ATP13A5: variants seen among roughly 807,000 people sequenced by gnomAD.
The protein encoded by ATP13A5 is probable cation-transporting ATPase 13A5.
ATP13A5 carries 149 observed loss-of-function variants against 150.2 expected under a neutral mutation model. The observed-to-expected ratio is 0.99, with a 90% confidence interval of 0.87 to 1.14. The LOEUF (loss-of-function observed/expected upper bound fraction) is 1.14. ATP13A5 is among the 50% of genes most tolerant of loss of function. The pLI is 0.00. For synonymous variants in ATP13A5, 497 were observed against 522.2 expected (o/e 0.95, Z 0.66); for missense variants, 1,383 against 1,449.3 (o/e 0.95, Z 0.74).
chr3:193,325,096 C>T, intron 13 of ATP13A5, 82 bp from the exon 14 acceptor site: 1 of 1,395,260 alleles, frequency 7.2e-7, no homozygotes, highest in Non-Finnish European at 9.8e-7. Flanking sequence ...AGTGGAGCTC[C>T]AAACACCTAA....
chr3:193,326,887 T>C (rs1719485403), intron 13 of ATP13A5, 109 bp downstream of exon 13: 2 of 911,814 alleles, frequency 2.2e-6, no homozygotes, highest in Admixed American at 2.0e-5. Context: ...CAGCCAACTA[T>C]TGTATATATT....
intron 1 of ATP13A5, among the ~76,000 whole-genome samples, chr3:193,371,083 A>C (rs536694877): frequency 6.6e-6 from 1 of 152,302 alleles, no homozygotes; most frequent in African/African-American, 2.4e-5. Flanking sequence ...AGAGAGCTGT[A>C]AGTGTGGGTC....
At chr3:193,344,911 A>G in intron 8 of ATP13A5, 92 bp downstream of exon 8, 1 of 1,277,028 alleles carries the variant, frequency 7.8e-7, no homozygotes, top group Non-Finnish European at 1.1e-6. Context: ...ATCTGAAAAG[A>G]TTATTTCTCC....
intron 9 of ATP13A5, among the ~76,000 whole-genome samples, chr3:193,338,019 T>G (rs1015023758): frequency 2.0e-5 from 3 of 152,242 alleles, no homozygotes; most frequent in African/African-American, 7.2e-5. Context: ...TCACTCATAA[T>G]TTGGCTCTCT....
intron 10 of ATP13A5, among the ~76,000 whole-genome samples, chr3:193,334,277 T>C (rs1390978726): frequency 6.6e-6 from 1 of 152,162 alleles, no homozygotes; most frequent in Non-Finnish European, 1.5e-5. Flanking sequence ...GGTCAGAGGT[T>C]AGAACAGAGA....
chr3:193,351,707 C>T (rs1712569276), intron 6 of ATP13A5, among the ~76,000 whole-genome samples: 1 of 152,166 alleles, frequency 6.6e-6, no homozygotes, highest in African/African-American at 2.4e-5. Context: ...CAGGTCCTAG[C>T]AAGGTCACAT....
At chr3:193,367,682 G>A (rs1322981841) in intron 1 of ATP13A5, among the ~76,000 whole-genome samples, 1 of 152,110 alleles carries the variant, frequency 6.6e-6, no homozygotes, top group African/African-American at 2.4e-5. Flanking sequence ...ATCAGTCAAT[G>A]TACTTTGCCA....
chr3:193,355,354 A>T (rs1242638604), intron 5 of ATP13A5, among the ~76,000 whole-genome samples: 1 of 152,184 alleles, frequency 6.6e-6, no homozygotes, highest in Non-Finnish European at 1.5e-5. Context: ...CACTTATTGT[A>T]ATAGAAACTC....
chr3:193,358,880 G>A (rs950677421), intron 5 of ATP13A5, among the ~76,000 whole-genome samples: 1 of 152,108 alleles, frequency 6.6e-6, no homozygotes, highest in East Asian at 1.9e-4. Flanking sequence ...GATCCTGCCA[G>A]GGAGATTCTG....
intron 5 of ATP13A5, among the ~76,000 whole-genome samples, chr3:193,357,376 C>T (rs191110604): frequency 4.6e-5 from 7 of 152,214 alleles, no homozygotes; most frequent in African/African-American, 9.6e-5. Context: ...ATCCTCTTTA[C>T]GGTTCATCTG....
intron 1 of ATP13A5, among the ~76,000 whole-genome samples, chr3:193,371,905 CTTCTCATATTTACAGG>C (rs984927756): frequency 3.9e-5 from 6 of 152,068 alleles, no homozygotes; most frequent in Non-Finnish European, 8.8e-5. Flanking sequence ...GGAGTCCTAG[CTTCTCATATTTACAGG>C]TTCTGCCCAC....
intron 5 of ATP13A5, among the ~76,000 whole-genome samples, chr3:193,357,872 C>A (rs915860095): frequency 1.3e-5 from 2 of 152,168 alleles, no homozygotes; most frequent in Non-Finnish European, 2.9e-5. Context: ...ATCAGTAAAT[C>A]TGTTAGAATT....
chr3:193,363,328 G>A lies in ATP13A5; in HGVS notation c.292C>T (p.Leu98=), dbSNP rs527798561. The A allele has an allele frequency of 5.6e-5, 91 of 1,613,872 alleles. No homozygotes were observed. The South Asian group carries it at 8.9e-4, about 16-fold the overall frequency. The change falls in exon 3 of 30, where the codon CTG becomes TTG. Residue 98 remains leucine, a synonymous_variant. Transcript: ENST00000342358. ...CACTTCTTGCTTACAGGAAACTTCA[G>A]TGTGGATAAGTAGAGGCAGAATACC... ...KKVFCLYLST[L]KFPVSKKWEE...
chr3:193,360,444 T>C (rs1311055870), intron 5 of ATP13A5, among the ~76,000 whole-genome samples: 1 of 152,198 alleles, frequency 6.6e-6, no homozygotes, highest in Non-Finnish European at 1.5e-5. Context: ...TCAAATTCAC[T>C]AGGAAATTGG....
At chr3:193,364,005 A>G in intron 2 of ATP13A5, 102 bp downstream of exon 2, 2 of 1,281,818 alleles carry the variant, frequency 1.6e-6, no homozygotes, top group Non-Finnish European at 2.2e-6. Flanking sequence ...AATAGAGGAA[A>G]TCTACCTTCT....
chr3:193,336,185 G>A (rs1711851390), intron 9 of ATP13A5, among the ~76,000 whole-genome samples: 1 of 151,986 alleles, frequency 6.6e-6, no homozygotes, highest in Non-Finnish European at 1.5e-5. Flanking sequence ...ATATAAATTT[G>A]TATACTCTTC....
intron 16 of ATP13A5, among the ~76,000 whole-genome samples, chr3:193,319,549 A>G (rs1021027990): frequency 6.6e-6 from 1 of 152,362 alleles, no homozygotes; most frequent in East Asian, 1.9e-4. Flanking sequence ...TCCGGGAACC[A>G]CGTTGGGCAA....
At position 193,321,397 on chromosome 3, in the gene ATP13A5, G is replaced by C. The variant is rs566586792; in HGVS notation, c.1915+284C>G. Among the ~76,000 whole-genome samples the C allele has an allele frequency of 6.0e-4, 91 of 152,294 alleles. 2 individuals carry two copies. Among genetic ancestry groups the C allele is most frequent in the African/African-American group, 2.0e-3 (82 of 41,562 alleles). On this transcript the variant is annotated intron_variant, in intron 16 of 29. Transcript: ENST00000342358. ...TATAATCCCAGCACTTTTGGAGGCT[G>C]AGGCAGGCGGATCACTTGAGGCCAG...
intron 17 of ATP13A5, among the ~76,000 whole-genome samples, chr3:193,316,389 T>A (rs142321826): frequency 6.6e-6 from 1 of 152,210 alleles, no homozygotes; most frequent in African/African-American, 2.4e-5. Flanking sequence ...ATTAAAAACA[T>A]TCTATTTTTA....
Sources: gnomAD v4.1 joint callset for allele counts (sites outside exome capture counted in the v4.1 genomes callset) on GRCh38, gnomAD v4.1.1 for gene constraint, MANE v1.5 for transcripts, NCBI Gene and HGNC (gene_info 2026-07-23, HGNC 2026-07-21) for gene names.